The following TPP2 variants were observed in gnomAD, a reference collection of about 807,000 sequenced individuals.
TPP2 encodes tripeptidyl-peptidase 2.
A neutral mutation model predicts 155.9 loss-of-function variants in TPP2; 34 were observed. The ratio of observed to expected loss-of-function variants is 0.22; its 90% CI spans 0.17 to 0.29. The LOEUF (loss-of-function observed/expected upper bound fraction) is 0.29. Among genes scored for constraint, TPP2 ranks in the 10% least tolerant of loss-of-function variants. The probability of loss-of-function intolerance (pLI) is 1.00; values close to 1 mark genes in which losing one functional copy is unlikely to be tolerated. For missense variants in TPP2, 1,028 were observed against 1,522.3 expected (o/e 0.68, Z 5.40); for synonymous variants, 510 against 529.4 (o/e 0.96, Z 0.50).
At chr13:102,662,570 A>G (rs1884305300) in intron 25 of TPP2, among the ~76,000 whole-genome samples, 1 of 152,190 alleles carries the variant, frequency 6.6e-6, no homozygotes, top group African/African-American at 2.4e-5. Context: ...GAAAGTGTTG[A>G]TTTTGCCCTT....
chr13:102,644,590 T>A lies in TPP2; in HGVS notation c.2209T>A (p.Trp737Arg). The A allele has an allele frequency of 6.2e-7, 1 of 1,612,418 alleles. No individual in the cohort carries two copies. The highest frequency in any genetic ancestry group is 8.5e-7 in the Non-Finnish European group (1 of 1,179,196). ...GKAIEFCIAR[W>R]WASLSDVNID... is the part of the protein sequence containing the mutation. Reference sequence around the variant, plus strand: ...AGCAATTGAATTTTGCATTGCTCGTTGGTGGGCAAGTCTCAGTGATGTCAA... The same window carrying A: ...AGCAATTGAATTTTGCATTGCTCGTAGGTGGGCAAGTCTCAGTGATGTCAA... Residue 737 changes from tryptophan (W) to arginine (R), a missense_variant, in exon 18 of 30, where the codon TGG becomes AGG. Coordinates refer to ENST00000376052, the MANE Select transcript of TPP2 (RefSeq NM_001330588.2).
intron 4 of TPP2, 30 bp downstream of exon 4, chr13:102,616,530 T>G (rs763552520): frequency 6.4e-7 from 1 of 1,572,394 alleles, no homozygotes; most frequent in Admixed American, 1.7e-5. Flanking sequence ...ATTTAAACAT[T>G]ACCCTAGAAC....
intron 9 of TPP2, 89 bp from the exon 10 acceptor site, chr13:102,630,007 A>G: frequency 9.4e-7 from 1 of 1,058,476 alleles, no homozygotes; most frequent in Admixed American, 1.9e-5. Context: ...TGGTGTTGAG[A>G]GATTAGGCAG....
chr13:102,641,981 T>C (rs939574920), intron 16 of TPP2, among the ~76,000 whole-genome samples: 1 of 152,082 alleles, frequency 6.6e-6, no homozygotes, highest in East Asian at 1.9e-4. Flanking sequence ...AGAACTGGAT[T>C]AGAGGGAGGC....
At chr13:102,664,758 T>G in intron 26 of TPP2, 37 bp from the exon 27 acceptor site, 2 of 1,597,558 alleles carry the variant, frequency 1.3e-6, no homozygotes, top group East Asian at 4.5e-5. Context: ...TACTGATTGA[T>G]ATACCTATTT....
At chr13:102,674,558 T>C (rs1885182815) in intron 28 of TPP2, 68 bp downstream of exon 28, 1 of 1,495,672 alleles carries the variant, frequency 6.7e-7, no homozygotes, top group African/African-American at 1.4e-5. Context: ...TTGTGCCCCA[T>C]TGCTGGTTAA....
chr13:102,657,614 C>T (rs531973329), intron 25 of TPP2, among the ~76,000 whole-genome samples: 4 of 151,904 alleles, frequency 2.6e-5, no homozygotes, highest in East Asian at 1.9e-4. Flanking sequence ...ATTTAACAGC[C>T]GTATAAAATA....
At chr13:102,616,556 T>A in intron 4 of TPP2, 56 bp downstream of exon 4, 1 of 1,405,778 alleles carries the variant, frequency 7.1e-7, no homozygotes, top group Non-Finnish European at 9.7e-7. Flanking sequence ...TCCCATAGAG[T>A]TTCTACAGAA....
chr13:102,638,068 T>A (rs1464077156), intron 14 of TPP2, among the ~76,000 whole-genome samples, 171 bp from the exon 15 acceptor site: 1 of 152,222 alleles, frequency 6.6e-6, no homozygotes, highest in Non-Finnish European at 1.5e-5. Context: ...ATACATTTGT[T>A]TGGGCTGTTT....
rs115226140 is a variant in TPP2 at position 102,604,261 on chromosome 13, T to A, written c.166-532T>A. Among the ~76,000 whole-genome samples the A allele has an allele frequency of 4.9e-3, 746 of 152,288 alleles. 7 individuals carry two copies. The highest frequency in any genetic ancestry group is 0.017 in the African/African-American group (709 of 41,550). On this transcript the variant is annotated intron_variant, in intron 1 of 29. Transcript: ENST00000376052. ...CAGCCCACAGCTCACCATCTTTAGA[T>A]CTTTTCTCAAATGTTACCATCTCAG... is the stretch of plus-strand genomic sequence containing the variant.
intron 21 of TPP2, 121 bp downstream of exon 21, chr13:102,647,465 T>A: frequency 7.7e-7 from 1 of 1,299,872 alleles, no homozygotes; most frequent in Non-Finnish European, 1.0e-6. Flanking sequence ...AGCTTTGTGT[T>A]TAGTACTTTT....
At position 102,638,263 on chromosome 13, in the gene TPP2, C is replaced by T. The variant is rs766911372; in HGVS notation, c.1861C>T (p.Pro621Ser). Reference sequence around the variant, plus strand: ...GGTATGTGGCTATGATATAGCATCCCCTAACGCAGGTCCGCTCTTCAGAGT... The same window carrying T: ...GGTATGTGGCTATGATATAGCATCCTCTAACGCAGGTCCGCTCTTCAGAGT... ...TEVCGYDIASPNAGPLFRVPI... is the reference protein window; with the variant it reads ...TEVCGYDIASSNAGPLFRVPI... Residue 621 changes from proline to serine, a missense_variant, in exon 15 of 30, where the codon CCT becomes TCT. Physicochemically the swap from Pro to Ser is moderately conservative, Grantham distance 74. Transcript: ENST00000376052. 8.2e-5 allele frequency: 132 copies of T among 1,612,648 alleles called. 2 individuals carry two copies. The South Asian group carries it at 1.4e-3, about 17-fold the overall frequency.
At position 102,678,577 on chromosome 13, in the gene TPP2, C is replaced by T. The variant is rs1315751649; in HGVS notation, c.*261C>T. On this transcript the variant is annotated 3_prime_UTR_variant, in exon 30 of 30. Coordinates refer to ENST00000376052, the MANE Select transcript of TPP2 (RefSeq NM_001330588.2). ...CCCTGCCTGCCAGCACCTAGGACTT[C>T]GAGTTGGGTTGCAGCTTATGACATG... The T allele has an allele frequency of 1.2e-5, 4 of 327,656 alleles. No homozygotes were observed. The highest frequency in any genetic ancestry group is 4.5e-5 in the Admixed American group (1 of 22,344). The allele number at this position is 327,656 out of a possible 1,614,324, so 20.3% of individuals were successfully genotyped here. A position where few individuals can be genotyped will look rare whatever the true frequency, so the allele number is the denominator to read the frequency against.
chr13:102,612,687 A>T (rs1300364464), intron 2 of TPP2, among the ~76,000 whole-genome samples: 5 of 152,190 alleles, frequency 3.3e-5, no homozygotes, highest in Non-Finnish European at 7.3e-5. Context: ...CTTCGTGGTA[A>T]GGAAGATACA....
intron 25 of TPP2, among the ~76,000 whole-genome samples, chr13:102,660,088 G>A (rs1297232011): frequency 6.6e-6 from 1 of 151,498 alleles, no homozygotes; most frequent in East Asian, 1.9e-4. Context: ...AGCTATAAAG[G>A]GATAACATTT....
intron 10 of TPP2, among the ~76,000 whole-genome samples, chr13:102,632,535 C>T (rs770727113): frequency 3.3e-5 from 5 of 152,160 alleles, no homozygotes; most frequent in Non-Finnish European, 5.9e-5. Context: ...CCACTGAGCC[C>T]AGCTGAGACT....
At chr13:102,629,684 T>C in intron 9 of TPP2, 75 bp downstream of exon 9, 1 of 1,499,126 alleles carries the variant, frequency 6.7e-7, no homozygotes, top group African/African-American at 1.4e-5. Flanking sequence ...AAATGTTACC[T>C]GTATCTCTGC....
At chr13:102,675,481 A>G (rs1362252310) in intron 28 of TPP2, among the ~76,000 whole-genome samples, 1 of 152,220 alleles carries the variant, frequency 6.6e-6, no homozygotes, top group Non-Finnish European at 1.5e-5. Flanking sequence ...ATGAGTATTA[A>G]GTACATGCAA....
chr13:102,620,866 T>A (rs1881110596), intron 5 of TPP2, among the ~76,000 whole-genome samples: 1 of 152,242 alleles, frequency 6.6e-6, no homozygotes, highest in Admixed American at 6.5e-5. Flanking sequence ...TTGACCTTGC[T>A]TATGTCATGT....
Sources: allele counts gnomAD v4.1 joint callset (sites outside exome capture counted in the v4.1 genomes callset), GRCh38; gene constraint gnomAD v4.1.1; transcripts MANE v1.5; gene names NCBI Gene and HGNC (gene_info 2026-07-23, HGNC 2026-07-21).